RELN: variants seen among roughly 807,000 people sequenced by gnomAD.
RELN encodes the protein reelin.
RELN carries 108 observed loss-of-function variants against 427.6 expected under a neutral mutation model. The observed-to-expected ratio is 0.25, with a 90% confidence interval of 0.22 to 0.30. The LOEUF (loss-of-function observed/expected upper bound fraction) is 0.30, where lower values mean the gene tolerates loss of function less well. Ranked by LOEUF, RELN falls within the 10% of genes least tolerant of loss-of-function variation. RELN has a pLI of 1.00. For synonymous variants in RELN, 1,524 were observed against 1,513.4 expected (o/e 1.01, Z -0.16); for missense variants, 3,715 against 4,302.8 (o/e 0.86, Z 3.82).
chr7:103,572,337 GA>G (rs932083509), intron 30 of RELN, 77 bp from the exon 31 acceptor site: 7 of 796,748 alleles, frequency 8.8e-6, no homozygotes, highest in Admixed American at 5.6e-5. Flanking sequence ...TGACACATTA[GA>G]AAAAAACCCT....
chr7:103,839,643 C>T (rs1793503823), intron 2 of RELN, among the ~76,000 whole-genome samples: 1 of 152,026 alleles, frequency 6.6e-6, no homozygotes, highest in African/African-American at 2.4e-5. Flanking sequence ...ATAAAAAATA[C>T]AATATAAGAG....
rs953091141 is a variant in RELN, at chr7:103,693,726, T to C, written c.1143+4127A>G. On this transcript the variant is annotated intron_variant, in intron 10 of 64. Transcript: ENST00000428762. ...AGCATGGAGGCAGCATAATGTAATTTGTGTTAAGGAATGATGCTAGAGTTT... is the reference window on the plus strand; with the variant it reads ...AGCATGGAGGCAGCATAATGTAATTCGTGTTAAGGAATGATGCTAGAGTTT... 1.2e-3 allele frequency among the ~76,000 whole-genome samples: 185 copies of C among 152,184 alleles called. 3 individuals are homozygous for C. Among genetic ancestry groups the C allele is most frequent in the Non-Finnish European group, 1.5e-5 (1 of 67,990 alleles).
Position 103,589,878 on chromosome 7 carries a change from C to T in RELN, c.3913-50G>A, listed in dbSNP as rs766929424. 8.7e-6 allele frequency: 10 copies of T among 1,144,362 alleles called. No individual in the cohort carries two copies. In the African/African-American group the frequency reaches 1.2e-4, roughly 14 times the overall value. 70.9% of individuals were successfully genotyped at this position (1,144,362 alleles called of 1,614,324 possible). A position where few individuals can be genotyped will look rare whatever the true frequency, so the allele number is the denominator to read the frequency against. On this transcript the variant is annotated intron_variant, in intron 27 of 64. Coordinates refer to ENST00000428762, the MANE Select transcript of RELN (RefSeq NM_005045.4). ...ATACAAGATTTTGGTTCTAAGTCAT[C>T]ACTCAACAAATTAGATGCTACAGCA...
intron 4 of RELN, among the ~76,000 whole-genome samples, chr7:103,763,694 A>C (rs1791357576): frequency 6.6e-6 from 1 of 152,170 alleles, no homozygotes; most frequent in South Asian, 2.1e-4. Flanking sequence ...GGACATACTT[A>C]TTCCAGCTGA....
intron 50 of RELN, among the ~76,000 whole-genome samples, chr7:103,511,577 C>T (rs1265386929): frequency 2.6e-5 from 4 of 152,164 alleles, no homozygotes; most frequent in East Asian, 1.9e-4. Flanking sequence ...AAATGACACA[C>T]ATTTAAAACA....
rs73183758 is a variant in RELN at position 103,920,593 on chromosome 7, T to A, written c.227-3408A>T. ...TTTTTTTTTTTGTTTTTTTTTTTTT[T>A]GAGAGAGTCTCGCTCTCTTACCCAG... On this transcript the variant is annotated intron_variant, in intron 1 of 64. Transcript: ENST00000428762. Among the ~76,000 whole-genome samples the A allele has an allele frequency of 8.5e-3, 1,098 of 129,376 alleles. 25 individuals carry two copies. Among genetic ancestry groups the A allele is most frequent in the African/African-American group, 0.029 (942 of 32,832 alleles). The allele number at this position is 129,376 out of a possible 152,430, so 84.9% of individuals were successfully genotyped here.
chr7:103,538,771 C>A (rs147582436), intron 45 of RELN, among the ~76,000 whole-genome samples: 1 of 151,982 alleles, frequency 6.6e-6, no homozygotes, highest in Non-Finnish European at 1.5e-5. Flanking sequence ...CTTTATTCTG[C>A]GAGTCTAATA....
intron 22 of RELN, among the ~76,000 whole-genome samples, chr7:103,606,945 C>G (rs551721764): frequency 8.6e-5 from 13 of 151,744 alleles, no homozygotes; most frequent in Non-Finnish European, 1.2e-4. Flanking sequence ...GTTTTTTGTC[C>G]TTGCGATAGT....
rs563935258 is a variant in RELN, at chr7:103,714,870, A to G, written c.805+8270T>C. ...ACAGTTCCATTCTGCATGAACAGAAATCCTCTAATTACTCTTGGATCTGTC... is the reference window on the plus strand; with the variant it reads ...ACAGTTCCATTCTGCATGAACAGAAGTCCTCTAATTACTCTTGGATCTGTC... On this transcript the variant is annotated intron_variant, in intron 8 of 64. Transcript: ENST00000428762. 1.4e-4 allele frequency among the ~76,000 whole-genome samples: 21 copies of G among 152,320 alleles called. 2 individuals carry two copies. In the South Asian group the frequency reaches 4.4e-3, roughly 32 times the overall value.
chr7:103,745,050 C>T (rs1014036146), intron 6 of RELN, among the ~76,000 whole-genome samples: 7 of 152,136 alleles, frequency 4.6e-5, no homozygotes, highest in African/African-American at 1.2e-4. Flanking sequence ...AGCAGCACAT[C>T]GAAAAGCTTA....
At chr7:103,966,540 T>A (rs976047184) in intron 1 of RELN, among the ~76,000 whole-genome samples, 2 of 152,150 alleles carry the variant, frequency 1.3e-5, no homozygotes, top group African/African-American at 2.4e-5. Flanking sequence ...AGAAATGACA[T>A]TCAAGGACTA....
chr7:103,558,189 G>A, intron 36 of RELN, 140 bp from the exon 37 acceptor site: 2 of 623,162 alleles, frequency 3.2e-6, no homozygotes, highest in Non-Finnish European at 5.9e-6. Context: ...TAGTTTAAAA[G>A]GAAAAATGGG....
intron 11 of RELN, among the ~76,000 whole-genome samples, chr7:103,674,881 G>A (rs912712205): frequency 5.3e-5 from 8 of 152,078 alleles, no homozygotes; most frequent in Non-Finnish European, 7.4e-5. Context: ...TTGATGGGAC[G>A]TATCTCAAAA....
At position 103,738,772 on chromosome 7, in the gene RELN, T is replaced by TC. The variant is rs1289676160; in HGVS notation, c.657-10566dup. Among the ~76,000 whole-genome samples the TC allele has an allele frequency of 2.2e-5, 3 of 135,218 alleles. No homozygotes were observed. In the Admixed American group the frequency reaches 2.5e-4, roughly 11 times the overall value. 88.7% of individuals were successfully genotyped at this position (135,218 alleles called of 152,430 possible). A position where few individuals can be genotyped will look rare whatever the true frequency, so the allele number is the denominator to read the frequency against. ...ATCTCGGCTCACTGCAACCTCCGCC[T>TC]CCTGGGTTCAAGTGATTCTCCTCCC... On this transcript the variant is annotated intron_variant, in intron 6 of 64. Transcript: ENST00000428762.
chr7:103,767,378 G>A (rs1791452867), intron 4 of RELN, among the ~76,000 whole-genome samples: 2 of 152,150 alleles, frequency 1.3e-5, no homozygotes. Context: ...TGAGTCCAGA[G>A]CTTTGAATTC....
At chr7:103,679,192 G>T (rs1185063061) in intron 11 of RELN, among the ~76,000 whole-genome samples, 3 of 152,154 alleles carry the variant, frequency 2.0e-5, no homozygotes, top group African/African-American at 7.2e-5. Context: ...AAACACTATG[G>T]ATTAAACTAT....
At chr7:103,606,766 T>A (rs1252349886) in intron 22 of RELN, among the ~76,000 whole-genome samples, 1 of 152,176 alleles carries the variant, frequency 6.6e-6, no homozygotes, top group Non-Finnish European at 1.5e-5. Context: ...AAATTAATCC[T>A]TATATGCATC....
intron 3 of RELN, among the ~76,000 whole-genome samples, chr7:103,779,201 T>C (rs1043468431): frequency 6.6e-6 from 1 of 152,152 alleles, no homozygotes; most frequent in Non-Finnish European, 1.5e-5. Context: ...CAACAGCCAA[T>C]GTTCCAGGCA....
chr7:103,675,396 A>G (rs1404559172), intron 11 of RELN, among the ~76,000 whole-genome samples: 1 of 152,238 alleles, frequency 6.6e-6, no homozygotes, highest in East Asian at 1.9e-4. Context: ...GAGGACACAA[A>G]CAAATGGAAG....
Sources: gnomAD v4.1 joint callset for allele counts (sites outside exome capture counted in the v4.1 genomes callset) on GRCh38, gnomAD v4.1.1 for gene constraint, MANE v1.5 for transcripts, NCBI Gene and HGNC (gene_info 2026-07-23, HGNC 2026-07-21) for gene names.